TRHDE: variants seen among roughly 807,000 people sequenced by gnomAD.
TRHDE encodes the protein thyrotropin-releasing hormone-degrading ectoenzyme.
TRHDE carries 72 observed loss-of-function variants against 125.7 expected under a neutral mutation model. The observed-to-expected ratio is 0.57, with a 90% CI of 0.47 to 0.70. The LOEUF (loss-of-function observed/expected upper bound fraction) is 0.70. TRHDE is among the 30% of genes least tolerant of loss of function. The pLI, the probability that TRHDE is intolerant of heterozygous loss-of-function variation, is 0.00. For synonymous variants in TRHDE, 509 were observed against 509.1 expected (o/e 1.00, Z 0.00); for missense variants, 1,110 against 1,327.1 (o/e 0.84, Z 2.54).
intron 2 of TRHDE, among the ~76,000 whole-genome samples, chr12:72,170,636 G>T (rs2139334938): frequency 6.6e-6 from 1 of 152,180 alleles, no homozygotes; most frequent in African/African-American, 2.4e-5. Context: ...GATCTAGGAT[G>T]GACCTATTCC....
At chr12:72,366,691 C>A (rs985532036) in intron 2 of TRHDE, among the ~76,000 whole-genome samples, 1 of 151,932 alleles carries the variant, frequency 6.6e-6, no homozygotes, top group African/African-American at 2.4e-5. Context: ...CCATGGGGCC[C>A]AAAAACCCCC....
intron 5 of TRHDE, among the ~76,000 whole-genome samples, chr12:72,484,940 A>T (rs1444602): frequency 0.092 from 14,042 of 152,220 alleles, 850 homozygotes; most frequent in African/African-American, 0.16. Context: ...ACAGAAACTC[A>T]GGATGGCTAC....
chr12:72,329,885 T>G (rs1869505601), intron 2 of TRHDE, among the ~76,000 whole-genome samples: 1 of 152,098 alleles, frequency 6.6e-6, no homozygotes, highest in South Asian at 2.1e-4. Flanking sequence ...TTAAGAACAC[T>G]GATATGGCAG....
chr12:72,092,673 A>G (rs1470116261), intron 1 of TRHDE, among the ~76,000 whole-genome samples: 5 of 152,196 alleles, frequency 3.3e-5, no homozygotes, highest in Non-Finnish European at 7.3e-5. Flanking sequence ...ACGGAGTGCA[A>G]TGTGATGTTT....
At position 72,666,942 on chromosome 12, in the gene TRHDE, T is replaced by A. The variant is rs1343620833; in HGVS notation, c.*3747T>A. On this transcript the variant is annotated 3_prime_UTR_variant, in exon 19 of 19. Transcript: ENST00000261180. The stretch of plus-strand genomic sequence containing the variant: ...TAACCTTAAAGTACTGATAATTTGC[T>A]TAATTTTCAACACAAATTTATCTGA... The A allele has an allele frequency of 6.6e-6, 1 of 152,022 alleles. No individual in the cohort carries two copies. The highest frequency in any genetic ancestry group is 1.5e-5 in the Non-Finnish European group (1 of 67,956). The allele number at this position is 152,022 out of a possible 1,614,324, so 9.4% of individuals were successfully genotyped here.
At chr12:72,174,199 C>A (rs1049979223) in intron 2 of TRHDE, among the ~76,000 whole-genome samples, 1 of 152,098 alleles carries the variant, frequency 6.6e-6, no homozygotes, top group African/African-American at 2.4e-5. Context: ...TTTAGCCATC[C>A]TCTTTGTCAA....
At chr12:72,254,461 T>C (rs1878760467) in intron 2 of TRHDE, 1 of 152,182 alleles carries the variant, frequency 6.6e-6, no homozygotes, top group African/African-American at 2.4e-5. Context: ...ACCAATATAA[T>C]ATGAGCATTT....
chr12:72,236,816 A>G (rs957904983), intron 2 of TRHDE, among the ~76,000 whole-genome samples: 1 of 152,208 alleles, frequency 6.6e-6, no homozygotes, highest in African/African-American at 2.4e-5. Context: ...TCTATTAATA[A>G]CATGGAAATA....
intron 2 of TRHDE, among the ~76,000 whole-genome samples, chr12:72,318,950 G>A (rs909327995): frequency 3.9e-5 from 6 of 152,126 alleles, no homozygotes; most frequent in Non-Finnish European, 2.9e-5. Flanking sequence ...CAAACAAGAG[G>A]AGATTCTCTC....
chr12:72,641,040 CAT>C (rs1244705449), intron 15 of TRHDE, among the ~76,000 whole-genome samples: 2 of 152,138 alleles, frequency 1.3e-5, no homozygotes, highest in Non-Finnish European at 2.9e-5. Context: ...CTTTAGGACT[CAT>C]GTGTTTATCC....
intron 2 of TRHDE, among the ~76,000 whole-genome samples, chr12:72,107,809 GTTTAGACATTTTTTGAAATCTAA>G (rs549308479): frequency 0.028 from 4,300 of 152,116 alleles, 110 homozygotes; most frequent in African/African-American, 0.062. Context: ...TACAGGGCCT[GTTTAGACATTTTTTGAAATCTAA>G]TTTAGACATT....
chr12:72,452,072 G>A (rs1188559960), intron 3 of TRHDE, among the ~76,000 whole-genome samples: 1 of 152,060 alleles, frequency 6.6e-6, no homozygotes, highest in African/African-American at 2.4e-5. Flanking sequence ...CAAGTGATCT[G>A]CCCGCATTGG....
intron 2 of TRHDE, among the ~76,000 whole-genome samples, chr12:72,310,606 T>C (rs1244325561): frequency 6.6e-6 from 1 of 152,070 alleles, no homozygotes; most frequent in Non-Finnish European, 1.5e-5. Context: ...GAATTGGAAA[T>C]GTTTTGTCAA....
intron 5 of TRHDE, among the ~76,000 whole-genome samples, chr12:72,492,197 A>G (rs1485998026): frequency 1.3e-5 from 2 of 151,942 alleles, no homozygotes; most frequent in Non-Finnish European, 2.9e-5. Context: ...GTGCATTGGT[A>G]TATGGAAGCA....
At chr12:72,292,111 A>G (rs958215728) in intron 2 of TRHDE, among the ~76,000 whole-genome samples, 1 of 152,224 alleles carries the variant, frequency 6.6e-6, no homozygotes, top group Non-Finnish European at 1.5e-5. Flanking sequence ...TGGAATAAAA[A>G]TTCTTAGATG....
intron 2 of TRHDE, among the ~76,000 whole-genome samples, chr12:72,213,080 C>T (rs1364122079): frequency 2.0e-5 from 3 of 151,974 alleles, no homozygotes; most frequent in African/African-American, 7.2e-5. Flanking sequence ...AAGATAGTCA[C>T]AAAAGATTAC....
chr12:72,610,012 ATTAT>A (rs532271260), intron 12 of TRHDE, among the ~76,000 whole-genome samples: 3 of 152,212 alleles, frequency 2.0e-5, no homozygotes, highest in South Asian at 2.1e-4. Context: ...AACTCTGTGG[ATTAT>A]TTATTTTTTA....
At chr12:72,498,534 T>G (rs1241592503) in intron 5 of TRHDE, among the ~76,000 whole-genome samples, 1 of 152,162 alleles carries the variant, frequency 6.6e-6, no homozygotes, top group Non-Finnish European at 1.5e-5. Flanking sequence ...TAGGGGCTAT[T>G]TAGCCTTCTT....
At chr12:72,275,930 C>G (rs1879471520) in intron 1 of TRHDE, among the ~76,000 whole-genome samples, 1 of 152,108 alleles carries the variant, frequency 6.6e-6, no homozygotes, top group African/African-American at 2.4e-5. Flanking sequence ...TGTTTTATTT[C>G]TAAACAGCAT....
Sources: gnomAD v4.1 joint callset for allele counts (sites outside exome capture counted in the v4.1 genomes callset) on GRCh38, gnomAD v4.1.1 for gene constraint, MANE v1.5 for transcripts, NCBI Gene and HGNC (gene_info 2026-07-23, HGNC 2026-07-21) for gene names.